DISP1: variants seen among roughly 807,000 people sequenced by gnomAD.
DISP1 encodes the protein protein dispatched homolog 1.
A neutral mutation model predicts 37.3 loss-of-function variants in DISP1; 30 were observed. The ratio of observed to expected loss-of-function variants is 0.80; its 90% CI spans 0.60 to 1.09. The LOEUF (loss-of-function observed/expected upper bound fraction) is 1.09, where lower values mean the gene tolerates loss of function less well. Ranked by LOEUF, DISP1 falls within the 50% of genes least tolerant of loss-of-function variation. The pLI, the probability that DISP1 is intolerant of heterozygous loss-of-function variation, is 0.00. For missense variants in DISP1, 1,598 were observed against 1,879.5 expected (o/e 0.85, Z 2.77); for synonymous variants, 634 against 690.2 (o/e 0.92, Z 1.28).
At chr1:222,995,747 A>G (rs964308225) in intron 8 of DISP1, among the ~76,000 whole-genome samples, 2 of 152,220 alleles carry the variant, frequency 1.3e-5, no homozygotes, top group African/African-American at 4.8e-5. Context: ...AGCAACCAGC[A>G]TAAAAGGAAC....
chr1:222,891,251 G>A (rs996173838), intron 1 of DISP1, among the ~76,000 whole-genome samples: 18 of 152,150 alleles, frequency 1.2e-4, no homozygotes, highest in African/African-American at 4.3e-4. Context: ...GAGACATTTT[G>A]AAGGTAGAAT....
At position 223,004,123 on chromosome 1, in the gene DISP1, C is replaced by A. The variant is rs2102803662; in HGVS notation, c.2726C>A (p.Thr909Asn). 1 of 1,614,146 alleles carries A rather than the reference C, an allele frequency of 6.2e-7. No homozygotes were observed. The highest frequency in any genetic ancestry group is 8.5e-7 in the Non-Finnish European group (1 of 1,180,010). ...RSTGYHLDSK[T>N]PGPRFDINDT... ...ACAGGGTACCATTTGGATAGCAAAACCCCAGGGCCGAGGTTTGATATCAAT... is the reference window on the plus strand; with the variant it reads ...ACAGGGTACCATTTGGATAGCAAAAACCCAGGGCCGAGGTTTGATATCAAT... Residue 909 changes from threonine (T) to asparagine (N), a missense_variant, in exon 9 of 9, where the codon ACC becomes AAC. Coordinates refer to ENST00000675850, the MANE Select transcript of DISP1 (RefSeq NM_001377229.1). The surrounding 1 kb of genome is among the most constrained non-coding windows in gnomAD (Gnocchi z 4.9).
chr1:222,998,326 C>A (rs1276010770), intron 8 of DISP1, among the ~76,000 whole-genome samples: 2 of 151,092 alleles, frequency 1.3e-5, no homozygotes, highest in African/African-American at 2.4e-5. Context: ...CAATAGCAAG[C>A]AGAAGACCTT....
At chr1:222,984,419 A>ATAT (rs761912265) in intron 4 of DISP1, among the ~76,000 whole-genome samples, 8,086 of 100,914 alleles carry the variant, frequency 0.08, 697 homozygotes, top group East Asian at 0.21. Context: ...AAAAAAAAAA[A>ATAT]AAATATATAT....
At chr1:222,896,289 CAG>C (rs1671252529) in intron 1 of DISP1, among the ~76,000 whole-genome samples, 1 of 150,930 alleles carries the variant, frequency 6.6e-6, no homozygotes, top group Non-Finnish European at 1.5e-5. Context: ...GCCTGGGTGA[CAG>C]AGCACAATCC....
intron 2 of DISP1, among the ~76,000 whole-genome samples, chr1:222,934,584 G>A (rs779186049): frequency 4.7e-4 from 72 of 152,066 alleles, no homozygotes; most frequent in Non-Finnish European, 7.8e-4. Flanking sequence ...AACTGTGGAG[G>A]AACCATTTCA....
In DISP1 at chr1:222,870,476, G is replaced by A. The variant is rs368692489; in HGVS notation, c.-159+55398G>A. On this transcript the variant is annotated intron_variant, in intron 1 of 8. Coordinates refer to ENST00000675850, the MANE Select transcript of DISP1 (RefSeq NM_001377229.1). ...GTTGTTTCCTGACTTTTTAATGATC[G>A]CCATTCTAACTGGTGTGAGATGGTA... Among the ~76,000 whole-genome samples, 1,033 of 152,056 alleles carry A rather than the reference G, an allele frequency of 6.8e-3. 4 individuals carry two copies. Among genetic ancestry groups the A allele is most frequent in the South Asian group, 0.017 (84 of 4,810 alleles).
intron 1 of DISP1, among the ~76,000 whole-genome samples, chr1:222,917,081 G>A (rs1238497888): frequency 5.3e-5 from 8 of 152,184 alleles, no homozygotes; most frequent in East Asian, 3.8e-4. Context: ...CTGACCAATC[G>A]TTATCTGCTT....
chr1:222,939,848 G>A (rs1215136688), intron 2 of DISP1, among the ~76,000 whole-genome samples: 2 of 151,340 alleles, frequency 1.3e-5, no homozygotes, highest in African/African-American at 2.4e-5. Context: ...AAAAAAGGCC[G>A]GGCGCAGTGG....
At chr1:222,952,280 G>A (rs1164910483) in intron 3 of DISP1, among the ~76,000 whole-genome samples, 1 of 152,158 alleles carries the variant, frequency 6.6e-6, no homozygotes, top group Non-Finnish European at 1.5e-5. Context: ...GCCACATGTG[G>A]CTAGTAGCTA....
intron 1 of DISP1, among the ~76,000 whole-genome samples, chr1:222,902,071 C>T (rs535189063): frequency 2.7e-5 from 4 of 150,856 alleles, no homozygotes; most frequent in South Asian, 4.3e-4. Context: ...GTCTTGCTAG[C>T]GGTCTATCAA....
At chr1:222,987,231 A>G (rs1678345962) in intron 4 of DISP1, among the ~76,000 whole-genome samples, 1 of 152,224 alleles carries the variant, frequency 6.6e-6, no homozygotes, top group South Asian at 2.1e-4. Flanking sequence ...ACCCACAGCT[A>G]TACTATATAT....
At chr1:222,874,849 T>C (rs1042785394) in intron 1 of DISP1, among the ~76,000 whole-genome samples, 4 of 152,300 alleles carry the variant, frequency 2.6e-5, no homozygotes, top group Non-Finnish European at 4.4e-5. Flanking sequence ...TTTTTAGAGT[T>C]TCCTGTTTTT....
chr1:222,846,897 C>A (rs1026566527), intron 1 of DISP1, among the ~76,000 whole-genome samples: 2 of 152,170 alleles, frequency 1.3e-5, no homozygotes, highest in Non-Finnish European at 2.9e-5. Flanking sequence ...TATGTTATTG[C>A]ATAGTTTCCG....
chr1:222,841,621 T>C (rs1667615536), intron 1 of DISP1, among the ~76,000 whole-genome samples: 1 of 152,218 alleles, frequency 6.6e-6, no homozygotes, highest in Admixed American at 6.5e-5. Flanking sequence ...TTGTTATTTA[T>C]AGTAAATTTT....
intron 1 of DISP1, among the ~76,000 whole-genome samples, chr1:222,836,742 A>AATATATAT (rs67076863): frequency 8.3e-5 from 12 of 144,548 alleles, no homozygotes; most frequent in African/African-American, 2.6e-4. Flanking sequence ...AATTAAAAAG[A>AATATATAT]ATATATATAT....
At chr1:222,956,838 C>T in intron 3 of DISP1, among the ~76,000 whole-genome samples, 2 of 152,150 alleles carry the variant, frequency 1.3e-5, no homozygotes, top group South Asian at 4.2e-4. Flanking sequence ...TTATTATTCA[C>T]ATCTTATTAA....
chr1:222,940,142 G>A (rs558584535), intron 2 of DISP1, among the ~76,000 whole-genome samples: 5 of 149,958 alleles, frequency 3.3e-5, no homozygotes, highest in Admixed American at 2.7e-4. Flanking sequence ...AAAAAGAAAA[G>A]AAAAAAAAAT....
chr1:222,898,054 A>G lies in DISP1; in HGVS notation c.-158-30376A>G, dbSNP rs551972334. 2.0e-5 allele frequency among the ~76,000 whole-genome samples: 3 copies of G among 152,262 alleles called. No individual in the cohort carries two copies. In the East Asian group the frequency reaches 5.8e-4, roughly 29 times the overall value. On this transcript the variant is annotated intron_variant, in intron 1 of 8. Coordinates refer to ENST00000675850, the MANE Select transcript of DISP1 (RefSeq NM_001377229.1). ...TGGTGACATCTGATATTCACTAGTC[A>G]TGTTCGTTGAGGAAAAACATACACT...
Sources: gnomAD v4.1 joint callset for allele counts (sites outside exome capture counted in the v4.1 genomes callset) on GRCh38, gnomAD v4.1.1 for gene constraint, Gnocchi (gnomAD v3.1) non-coding constraint, MANE v1.5 for transcripts, NCBI Gene and HGNC (gene_info 2026-07-23, HGNC 2026-07-21) for gene names.